Variants in PIWIL2 observed in about 807,000 individuals in gnomAD.
The protein encoded by PIWIL2 is piwi like RNA-mediated gene silencing 2.
In PIWIL2, 81 loss-of-function variants were observed where a neutral mutation model predicts 116.5. The observed-to-expected ratio is 0.70, with a 90% confidence interval of 0.58 to 0.84. The LOEUF (loss-of-function observed/expected upper bound fraction) is 0.84. Among genes scored for constraint, PIWIL2 ranks in the 40% least tolerant of loss-of-function variants. The pLI is 0.00. For missense variants in PIWIL2, 1,272 were observed against 1,212.3 expected, an observed-to-expected ratio of 1.05 and a Z score of -0.73; for synonymous variants, 489 against 429.5, an observed-to-expected ratio of 1.14 and a Z score of -1.71.
chr8:22,276,831 A>G (rs1465144883), intron 1 of PIWIL2, among the ~76,000 whole-genome samples: 1 of 151,848 alleles, frequency 6.6e-6, no homozygotes, highest in Admixed American at 6.6e-5. Flanking sequence ...TGAGCACAGG[A>G]GGTTGAGACT....
intron 13 of PIWIL2, among the ~76,000 whole-genome samples, chr8:22,307,302 G>T (rs1246568895): frequency 2.0e-5 from 3 of 151,808 alleles, no homozygotes; most frequent in Non-Finnish European, 4.4e-5. Context: ...GATTACAGGC[G>T]TGAGCCACTG....
chr8:22,325,391 A>C (rs1831698793), intron 20 of PIWIL2, among the ~76,000 whole-genome samples: 1 of 152,090 alleles, frequency 6.6e-6, no homozygotes, highest in African/African-American at 2.4e-5. Flanking sequence ...ATTCTCTATC[A>C]AACCATTACT....
In PIWIL2 at chr8:22,315,074, G is replaced by T. The variant is rs1831424488; in HGVS notation, c.2137G>T (p.Val713Leu). ...TIGQPTRLRS[V>L]AQKILLQINC... ...TGGTCAGCCCACCAGGCTTCGGAGT[G>T]TGGCCCAGAAGATTTTACTTCAGAT... Residue 713 changes from valine to leucine, a missense_variant, in exon 18 of 23, where the codon GTG (valine) becomes TTG (leucine). Physicochemically the swap from Val to Leu is conservative, Grantham distance 32. Transcript: ENST00000356766. 2.5e-6 allele frequency: 4 copies of T among 1,613,920 alleles called. No individual in the cohort carries two copies. Among genetic ancestry groups the T allele is most frequent in the Non-Finnish European group, 3.4e-6 (4 of 1,179,796 alleles).
At chr8:22,298,709 T>A (rs1397395375) in intron 10 of PIWIL2, among the ~76,000 whole-genome samples, 2 of 152,204 alleles carry the variant, frequency 1.3e-5, no homozygotes, top group Non-Finnish European at 2.9e-5. Flanking sequence ...AAAATAAAGC[T>A]GAATTTCTTG....
chr8:22,327,195 ATT>A (rs1831745090), intron 20 of PIWIL2, among the ~76,000 whole-genome samples: 1 of 150,684 alleles, frequency 6.6e-6, no homozygotes, highest in South Asian at 2.1e-4. Context: ...CACCCAGCTA[ATT>A]TTTGTTTTGT....
intron 10 of PIWIL2, among the ~76,000 whole-genome samples, chr8:22,296,577 A>G (rs1478824243): frequency 6.6e-6 from 1 of 152,138 alleles, no homozygotes; most frequent in Non-Finnish European, 1.5e-5. Context: ...TAGTTTGGAG[A>G]TACTTTACCC....
Position 22,357,422 on chromosome 8 carries a change from T to C in PIWIL2, c.*1917T>C, listed in dbSNP as rs1385148910. 6.6e-6 allele frequency: 1 copy of C among 152,218 alleles called. No homozygotes were observed. Among genetic ancestry groups the C allele is most frequent in the Non-Finnish European group, 1.5e-5 (1 of 68,054 alleles). The allele number at this position is 152,218 out of a possible 1,614,324, so 9.4% of individuals were successfully genotyped here. A position where few individuals can be genotyped will look rare whatever the true frequency, so the allele number is the denominator to read the frequency against. On this transcript the variant is annotated 3_prime_UTR_variant, in exon 23 of 23. Transcript: ENST00000356766. ...AAGTTGGATTTCCTAATACTTTTTT[T>C]CTCTTAGATAATCAGAACAAATGGT...
Position 22,289,908 on chromosome 8 carries a change from A to G in PIWIL2, c.1048A>G (p.Met350Val), listed in dbSNP as rs755358501. 110 of 1,609,276 alleles carry G rather than the reference A, an allele frequency of 6.8e-5. No homozygotes were observed. Among genetic ancestry groups the G allele is most frequent in the South Asian group, 4.7e-4 (43 of 90,978 alleles). ...GRNFYDPTSA[M>V]VLQQHRLQIW... is the part of the protein sequence containing the mutation. ...AAACTTTTATGACCCTACAAGTGCT[A>G]TGGTACTACAGCAACACAGGTTGGT... Residue 350 changes from methionine to valine, a missense_variant, in exon 9 of 23, where the codon ATG becomes GTG. Coordinates refer to ENST00000356766, the MANE Select transcript of PIWIL2 (RefSeq NM_018068.5).
At position 22,283,092 on chromosome 8, in the gene PIWIL2, G is replaced by A. The variant is rs762646486; in HGVS notation, c.484G>A (p.Gly162Ser). The A allele has an allele frequency of 1.9e-6, 3 of 1,614,042 alleles. No individual in the cohort carries two copies. Among genetic ancestry groups the A allele is most frequent in the Non-Finnish European group, 2.5e-6 (3 of 1,180,018 alleles). Residue 162 changes from glycine to serine, a missense_variant, in exon 5 of 23, where the codon GGT (glycine) becomes AGT (serine). Transcript: ENST00000356766. ...SLLPLGRAAG[G>S]ISREVDKPPC... ...ATTACCACTGGGAAGAGCAGCAGGT[G>A]GTATCAGCAGAGAAGTGGACAAGCC...
chr8:22,304,133 G>T lies in PIWIL2; in HGVS notation c.1294G>T (p.Val432Leu), dbSNP rs745904406. 1.2e-6 allele frequency: 2 copies of T among 1,613,066 alleles called. No individual in the cohort carries two copies. The highest frequency in any genetic ancestry group is 2.2e-5 in the South Asian group (2 of 91,044). Residue 432 changes from valine to leucine, a missense_variant, in exon 11 of 23, where the codon GTG becomes TTG. Val to Leu is a conservative substitution (Grantham distance 32). Transcript: ENST00000356766. Reference sequence around the variant, plus strand: ...CAATCGTACCTATCGTATTGATGATGTGGATTGGAATAAGACTCCAAAGGA... The same window carrying T: ...CAATCGTACCTATCGTATTGATGATTTGGATTGGAATAAGACTCCAAAGGA... ...YNNRTYRIDDVDWNKTPKDSF... is the reference protein window; with the variant it reads ...YNNRTYRIDDLDWNKTPKDSF...
intron 17 of PIWIL2, 26 bp downstream of exon 17, chr8:22,314,455 G>A (rs769732110): frequency 2.3e-5 from 30 of 1,285,522 alleles, no homozygotes; most frequent in Admixed American, 1.1e-4. Context: ...GGCAGGAGGC[G>A]CAGATGGCAC....
chr8:22,283,094 T>C lies in PIWIL2; in HGVS notation c.486T>C (p.Gly162=), dbSNP rs1481408599. 1.2e-6 allele frequency: 2 copies of C among 1,613,974 alleles called. No homozygotes were observed. Among genetic ancestry groups the C allele is most frequent in the African/African-American group, 1.3e-5 (1 of 74,876 alleles). The change falls in exon 5 of 23, where the codon GGT becomes GGC. Residue 162 remains glycine, a synonymous_variant. Coordinates refer to ENST00000356766, the MANE Select transcript of PIWIL2 (RefSeq NM_018068.5). ...SLLPLGRAAG[G]ISREVDKPPC... is the part of the protein sequence containing the mutation. Reference sequence around the variant, plus strand: ...TACCACTGGGAAGAGCAGCAGGTGGTATCAGCAGAGAAGTGGACAAGCCTC... The same window carrying C: ...TACCACTGGGAAGAGCAGCAGGTGGCATCAGCAGAGAAGTGGACAAGCCTC...
In PIWIL2 at chr8:22,315,169, G is replaced by A. The variant is rs752326718; in HGVS notation, c.2208+24G>A. On this transcript the variant is annotated intron_variant, in intron 18 of 22. Transcript: ENST00000356766. ...TGGTGAGTGATGCCGAGATGGTTCA[G>A]TTTGCCTCTCCAGAGAATCCTCCAA... is the stretch of plus-strand genomic sequence containing the variant. 4 of 1,274,578 alleles carry A rather than the reference G, an allele frequency of 3.1e-6. No individual in the cohort carries two copies. In the South Asian group the frequency reaches 3.6e-5, roughly 11 times the overall value. The allele number at this position is 1,274,578 out of a possible 1,614,324, so 79.0% of individuals were successfully genotyped here.
chr8:22,357,002 G>C lies in PIWIL2; in HGVS notation c.*1497G>C, dbSNP rs767527690. ...TACTTATTTATTTTTTGGTATGATG[G>C]CAGGGAGGGGACAAAGCAGAAATAC... On this transcript the variant is annotated 3_prime_UTR_variant, in exon 23 of 23. Transcript: ENST00000356766. 9 of 151,992 alleles carry C rather than the reference G, an allele frequency of 5.9e-5. No individual in the cohort carries two copies. Among genetic ancestry groups the C allele is most frequent in the Non-Finnish European group, 1.0e-4 (7 of 68,016 alleles). 9.4% of individuals were successfully genotyped at this position (151,992 alleles called of 1,614,324 possible). A position where few individuals can be genotyped will look rare whatever the true frequency, so the allele number is the denominator to read the frequency against.
At chr8:22,305,859 G>A in intron 12 of PIWIL2, 68 bp from the exon 13 acceptor site, 1 of 1,107,428 alleles carries the variant, frequency 9.0e-7, no homozygotes, top group South Asian at 1.2e-5. Context: ...GCCATGACAT[G>A]TCCTGTATGG....
At position 22,281,955 on chromosome 8, in the gene PIWIL2, T is replaced by G. The variant is rs555248680; in HGVS notation, c.425+440T>G. Among the ~76,000 whole-genome samples, 4 of 151,410 alleles carry G rather than the reference T, an allele frequency of 2.6e-5. 1 individual carries two copies. In the South Asian group the frequency reaches 8.3e-4, roughly 32 times the overall value. The stretch of plus-strand genomic sequence containing the variant: ...CCCAACTAATTTTTTGTATTTTTAG[T>G]AGAGACGAGGTTTCACTGTGTTCGC... On this transcript the variant is annotated intron_variant, in intron 4 of 22. Coordinates refer to ENST00000356766, the MANE Select transcript of PIWIL2 (RefSeq NM_018068.5).
chr8:22,331,618 C>G (rs1161263727), intron 20 of PIWIL2, among the ~76,000 whole-genome samples: 3 of 152,136 alleles, frequency 2.0e-5, no homozygotes, highest in Non-Finnish European at 4.4e-5. Flanking sequence ...AAATTAAACT[C>G]AGTACATGGG....
At position 22,304,068 on chromosome 8, in the gene PIWIL2, C is replaced by G. The variant is rs371621045; in HGVS notation, c.1229C>G (p.Thr410Ser). The change falls in exon 11 of 23, where the codon ACT (threonine) becomes AGT (serine). Residue 410 changes from threonine (T) to serine (S), a missense_variant. By Grantham distance (58) the Thr-to-Ser change is moderately conservative. Coordinates refer to ENST00000356766, the MANE Select transcript of PIWIL2 (RefSeq NM_018068.5). ...QNKEHFQDECTKLLVGNIVIT... is the reference protein window; with the variant it reads ...QNKEHFQDECSKLLVGNIVIT... Reference sequence around the variant, plus strand: ...AAAGAACACTTCCAGGATGAGTGTACTAAGCTTCTGGTTGGCAATATTGTT... The same window carrying G: ...AAAGAACACTTCCAGGATGAGTGTAGTAAGCTTCTGGTTGGCAATATTGTT... The G allele has an allele frequency of 4.2e-5, 67 of 1,613,412 alleles. No homozygotes were observed. Among genetic ancestry groups the G allele is most frequent in the Non-Finnish European group, 4.3e-5 (51 of 1,179,522 alleles).
Position 22,277,932 on chromosome 8 carries a change from G to T in PIWIL2, c.-46-1409G>T, listed in dbSNP as rs529828982. ...ACCTGTAATCCCAGCACTTTGGGAG[G>T]CCCAGGTGGGCTGATCGCCTGAGGT... On this transcript the variant is annotated intron_variant, in intron 1 of 22. Transcript: ENST00000356766. Among the ~76,000 whole-genome samples the T allele has an allele frequency of 4.6e-5, 7 of 152,258 alleles. No homozygotes were observed. In the South Asian group the frequency reaches 1.5e-3, roughly 32 times the overall value.
Sources: allele counts gnomAD v4.1 joint callset (sites outside exome capture counted in the v4.1 genomes callset), GRCh38; gene constraint gnomAD v4.1.1; transcripts MANE v1.5; gene names NCBI Gene and HGNC (gene_info 2026-07-23, HGNC 2026-07-21).